Variants in TDRD3 observed in about 807,000 individuals in gnomAD.
TDRD3 encodes the protein tudor domain containing 3.
A neutral mutation model predicts 86.7 loss-of-function variants in TDRD3; 45 were observed. That is an observed-to-expected ratio of 0.52 (90% confidence interval 0.41 to 0.67). TDRD3 has a LOEUF of 0.67. Ranked by LOEUF, TDRD3 falls within the 30% of genes least tolerant of loss-of-function variation. The probability of loss-of-function intolerance (pLI) is 0.00; values close to 1 mark genes in which losing one functional copy is unlikely to be tolerated. For missense variants in TDRD3, 814 were observed against 889.0 expected (o/e 0.92, Z 1.07); for synonymous variants, 298 against 301.7 (o/e 0.99, Z 0.13).
intron 12 of TDRD3, chr13:60,547,433 G>T: frequency 1.0e-6 from 1 of 985,226 alleles, no homozygotes; most frequent in South Asian, 4.7e-5. Context: ...TGCACAGGAG[G>T]AGTCAGAAGA....
chr13:60,409,354 A>G (rs548747643), intron 1 of TDRD3, among the ~76,000 whole-genome samples: 1 of 152,298 alleles, frequency 6.6e-6, no homozygotes, highest in African/African-American at 2.4e-5. Flanking sequence ...GAAGAAGGCC[A>G]CTGTCCTCCA....
At chr13:60,478,063 G>A (rs895322192) in intron 5 of TDRD3, among the ~76,000 whole-genome samples, 2 of 151,878 alleles carry the variant, frequency 1.3e-5, no homozygotes, top group African/African-American at 2.4e-5. Flanking sequence ...CTTGTTATTG[G>A]TCTGGTCAGG....
At position 60,460,444 on chromosome 13, in the gene TDRD3, A is replaced by G. The variant is rs772178046; in HGVS notation, c.257A>G (p.Glu86Gly). 12 of 1,605,670 alleles carry G rather than the reference A, an allele frequency of 7.5e-6. No individual in the cohort carries two copies. The African/African-American group carries it at 1.3e-4, about 18-fold the overall frequency. ...AATGTTGCTGCACCAAAGGATAATG[A>G]AGAATCTCAGGCTGCACCAAGGATG... The part of the protein sequence containing the change: ...IRNVAAPKDN[E>G]ESQAAPRMLR... The change falls in exon 4 of 14, where the codon GAA (glutamate) becomes GGA (glycine). Residue 86 changes from glutamate to glycine, a missense_variant. Transcript: ENST00000377881.
intron 6 of TDRD3, among the ~76,000 whole-genome samples, 186 bp downstream of exon 6, chr13:60,484,032 G>GC (rs1238684878): frequency 6.6e-6 from 1 of 152,040 alleles, no homozygotes; most frequent in African/African-American, 2.4e-5. Context: ...GTTGACGTTT[G>GC]CGAGAGCTGT....
At chr13:60,432,986 G>A (rs1274352089) in intron 1 of TDRD3, among the ~76,000 whole-genome samples, 3 of 152,080 alleles carry the variant, frequency 2.0e-5, no homozygotes, top group African/African-American at 7.2e-5. Flanking sequence ...TTATTCAGGG[G>A]CAATTAAGAA....
chr13:60,480,601 CTCT>C (rs1265034281), intron 5 of TDRD3, among the ~76,000 whole-genome samples: 3 of 152,158 alleles, frequency 2.0e-5, no homozygotes, highest in Non-Finnish European at 4.4e-5. Flanking sequence ...TGCTTGTTCT[CTCT>C]TCTTCTCTTT....
intron 3 of TDRD3, among the ~76,000 whole-genome samples, chr13:60,459,262 T>G (rs1176311685): frequency 2.0e-5 from 3 of 152,222 alleles, no homozygotes; most frequent in Admixed American, 2.0e-4. Flanking sequence ...AGATTTTACT[T>G]AAAAGCCTAT....
At chr13:60,553,465 C>G (rs915203206) in intron 12 of TDRD3, among the ~76,000 whole-genome samples, 3 of 151,962 alleles carry the variant, frequency 2.0e-5, no homozygotes, top group Non-Finnish European at 2.9e-5. Context: ...TTTAGCAGTA[C>G]CCCACTCTGC....
chr13:60,550,134 T>G (rs1472564554), intron 12 of TDRD3, among the ~76,000 whole-genome samples: 1 of 152,200 alleles, frequency 6.6e-6, no homozygotes, highest in Middle Eastern at 3.4e-3. Context: ...AAAGATAGTC[T>G]GTTTCAAAGT....
At chr13:60,423,639 C>A (rs1295885809) in intron 1 of TDRD3, among the ~76,000 whole-genome samples, 1 of 152,026 alleles carries the variant, frequency 6.6e-6, no homozygotes, top group African/African-American at 2.4e-5. Flanking sequence ...CAAATACAAG[C>A]CCTTTCACCT....
At chr13:60,565,079 G>A (rs1489872366) in intron 12 of TDRD3, among the ~76,000 whole-genome samples, 3 of 103,096 alleles carry the variant, frequency 2.9e-5, no homozygotes, top group African/African-American at 4.7e-5. Context: ...TTTTTGAGAC[G>A]GAGTCTCGCT....
chr13:60,479,303 T>C (rs897642230), intron 5 of TDRD3, among the ~76,000 whole-genome samples: 1 of 152,200 alleles, frequency 6.6e-6, no homozygotes, highest in Non-Finnish European at 1.5e-5. Context: ...TGTAATTGCA[T>C]GGTTTTGAGA....
chr13:60,496,978 G>A (rs1956732011), intron 8 of TDRD3, among the ~76,000 whole-genome samples: 1 of 152,144 alleles, frequency 6.6e-6, no homozygotes, highest in Non-Finnish European at 1.5e-5. Context: ...GTGGGTCACG[G>A]AAGAAAACCG....
intron 11 of TDRD3, among the ~76,000 whole-genome samples, chr13:60,534,429 T>G (rs1221878074): frequency 6.6e-6 from 1 of 152,206 alleles, no homozygotes; most frequent in East Asian, 1.9e-4. Flanking sequence ...AGGAAACTGA[T>G]AAGCCTCCGG....
At chr13:60,515,432 A>G (rs1957147470) in intron 10 of TDRD3, among the ~76,000 whole-genome samples, 3 of 152,218 alleles carry the variant, frequency 2.0e-5, no homozygotes. Flanking sequence ...GAGATTCATG[A>G]TAACACACAT....
At chr13:60,516,575 C>A (rs1325069557) in intron 10 of TDRD3, among the ~76,000 whole-genome samples, 1 of 152,170 alleles carries the variant, frequency 6.6e-6, no homozygotes, top group African/African-American at 2.4e-5. Context: ...CTCTTGTATA[C>A]TAGTTGTATG....
intron 10 of TDRD3, among the ~76,000 whole-genome samples, chr13:60,517,195 T>TA (rs1405986102): frequency 6.6e-6 from 1 of 151,878 alleles, no homozygotes; most frequent in African/African-American, 2.4e-5. Context: ...CTTTTTTTTT[T>TA]TATTCAAGTT....
chr13:60,556,036 C>T (rs538104395), intron 12 of TDRD3, among the ~76,000 whole-genome samples: 18 of 152,074 alleles, frequency 1.2e-4, no homozygotes, highest in South Asian at 1.0e-3. Flanking sequence ...TTAGTAGAGA[C>T]GGGCTTTCAC....
intron 3 of TDRD3, among the ~76,000 whole-genome samples, chr13:60,450,833 T>C (rs1239833947): frequency 6.6e-6 from 1 of 152,114 alleles, no homozygotes; most frequent in Non-Finnish European, 1.5e-5. Context: ...GTGAGGGTAT[T>C]AGGTTGCTTT....
Sources: allele counts gnomAD v4.1 joint callset (sites outside exome capture counted in the v4.1 genomes callset), GRCh38; gene constraint gnomAD v4.1.1; transcripts MANE v1.5; gene names NCBI Gene and HGNC (gene_info 2026-07-23, HGNC 2026-07-21).